Variants in IQGAP3 observed in about 807,000 individuals in gnomAD.
IQGAP3 encodes the protein IQ motif containing GTPase activating protein 3.
A neutral mutation model predicts 208.2 loss-of-function variants in IQGAP3; 165 were observed. The observed-to-expected ratio is 0.79, with a 90% CI of 0.70 to 0.90. The LOEUF (loss-of-function observed/expected upper bound fraction) is 0.90, where lower values mean the gene tolerates loss of function less well. Ranked by LOEUF, IQGAP3 falls within the 40% of genes least tolerant of loss-of-function variation. The pLI, the probability that IQGAP3 is intolerant of heterozygous loss-of-function variation, is 0.00. For missense variants in IQGAP3, 1,811 were observed against 2,043.1 expected (o/e 0.89, Z 2.19); for synonymous variants, 703 against 803.6 (o/e 0.87, Z 2.12).
chr1:156,547,388 GACACAC>G (rs61344699), intron 19 of IQGAP3, among the ~76,000 whole-genome samples: 10,243 of 147,266 alleles, frequency 0.07, 542 homozygotes, highest in African/African-American at 0.15. Flanking sequence ...CAGACACACA[GACACAC>G]ACACACACAC....
At chr1:156,553,996 G>T (rs755167411) in intron 13 of IQGAP3, among the ~76,000 whole-genome samples, 40 of 152,218 alleles carry the variant, frequency 2.6e-4, no homozygotes, top group Non-Finnish European at 4.3e-4. Context: ...TCTGGCACAT[G>T]GGTCAGTACT....
In IQGAP3 at chr1:156,539,010, T is replaced by G. The variant is rs1674850371; in HGVS notation, c.3080A>C (p.Asp1027Ala). ...EIKSKVEQPQ[D>A]VVTGNPTVVR... The stretch of plus-strand genomic sequence containing the variant: ...CACTGTTGGGTTGCCTGTCACCACG[T>G]CCTGGGGCTGCTCCACCTTTGACCT... The change falls in exon 26 of 38, where the codon GAC (aspartate) becomes GCC (alanine). Residue 1027 changes from aspartate (D) to alanine (A), a missense_variant. Transcript: ENST00000361170. 1 of 1,613,918 alleles carries G rather than the reference T, an allele frequency of 6.2e-7. No homozygotes were observed. Among genetic ancestry groups the G allele is most frequent in the African/African-American group, 1.3e-5 (1 of 74,936 alleles).
chr1:156,535,135 G>T, intron 28 of IQGAP3, 28 bp downstream of exon 28: 1 of 1,510,988 alleles, frequency 6.6e-7, no homozygotes, highest in African/African-American at 1.4e-5. Context: ...GAGGGATTGG[G>T]AGGTGGGGGT....
At chr1:156,566,162 A>G (rs1676391075) in intron 3 of IQGAP3, 58 bp from the exon 4 acceptor site, 2 of 1,480,922 alleles carry the variant, frequency 1.4e-6, no homozygotes, top group Non-Finnish European at 1.9e-6. Context: ...CCCTATGGGT[A>G]AAGCCCAGAC....
At chr1:156,553,856 CA>C (rs1459846347) in intron 13 of IQGAP3, among the ~76,000 whole-genome samples, 1 of 152,230 alleles carries the variant, frequency 6.6e-6, no homozygotes, top group Non-Finnish European at 1.5e-5. Flanking sequence ...GCTGGGATTA[CA>C]GGCGTGAGCC....
Position 156,561,030 on chromosome 1 carries a change from G to C in IQGAP3, c.1042-9C>G. ...TCCACCAGGCCCAGCTCCTAAGAGAGGGAAGAGATACAGTAGAATGGAGTC... is the reference window on the plus strand; with the variant it reads ...TCCACCAGGCCCAGCTCCTAAGAGACGGAAGAGATACAGTAGAATGGAGTC... On this transcript the variant is annotated splice_polypyrimidine_tract_variant and intron_variant, in intron 10 of 37. Coordinates refer to ENST00000361170, the MANE Select transcript of IQGAP3 (RefSeq NM_178229.5). The C allele has an allele frequency of 6.2e-7, 1 of 1,606,054 alleles. No individual in the cohort carries two copies. Among genetic ancestry groups the C allele is most frequent in the Non-Finnish European group, 8.5e-7 (1 of 1,173,012 alleles).
Position 156,548,672 on chromosome 1 carries a change from G to T in IQGAP3, c.1902C>A (p.Asn634Lys), listed in dbSNP as rs758232065. The change falls in exon 17 of 38, where the codon AAC becomes AAA. Residue 634 changes from asparagine (N) to lysine (K), a missense_variant. Physicochemically the swap from Asn to Lys is moderately conservative, Grantham distance 94. Coordinates refer to ENST00000361170, the MANE Select transcript of IQGAP3 (RefSeq NM_178229.5). ...KAAQTERVLR[N>K]PAVALRGVVP... ...CTACCCCTCGAAGGGCCACTGCGGGGTTCCTCAACACCCGCTCAGTCTGGG... is the reference window on the plus strand; with the variant it reads ...CTACCCCTCGAAGGGCCACTGCGGGTTTCCTCAACACCCGCTCAGTCTGGG... The T allele has an allele frequency of 6.2e-7, 1 of 1,612,274 alleles. No homozygotes were observed. The highest frequency in any genetic ancestry group is 8.5e-7 in the Non-Finnish European group (1 of 1,178,832).
rs778126921 is a variant in IQGAP3 at position 156,561,993 on chromosome 1, C to A, written c.886G>T (p.Ala296Ser). 1 of 1,604,836 alleles carries A rather than the reference C, an allele frequency of 6.2e-7. No homozygotes were observed. The highest frequency in any genetic ancestry group is 1.1e-5 in the South Asian group (1 of 90,158). Reference protein sequence around the residue: ...GNINHVNVHGALEVVDDALER... With the variant: ...GNINHVNVHGSLEVVDDALER... The stretch of plus-strand genomic sequence containing the variant: ...AGGGCATCATCAACAACTTCTAGAG[C>A]CCCATGGACTGAAAAAAAATGACTC... Residue 296 changes from alanine (A) to serine (S), a missense_variant, in exon 10 of 38, where the codon GCT becomes TCT. Ala to Ser is a moderately conservative substitution (Grantham distance 99, BLOSUM62 1). Coordinates refer to ENST00000361170, the MANE Select transcript of IQGAP3 (RefSeq NM_178229.5).
intron 13 of IQGAP3, among the ~76,000 whole-genome samples, chr1:156,552,465 C>A (rs752172222): frequency 3.9e-5 from 6 of 152,230 alleles, no homozygotes; most frequent in Non-Finnish European, 7.3e-5. Flanking sequence ...TCAAACCCAA[C>A]AGCTCACATC....
At chr1:156,537,537 T>C (rs1674750603) in intron 26 of IQGAP3, among the ~76,000 whole-genome samples, 1 of 152,128 alleles carries the variant, frequency 6.6e-6, no homozygotes, top group African/African-American at 2.4e-5. Context: ...ACAGGGAAGC[T>C]GGAAGAATGT....
rs1034215518 is a variant in IQGAP3, at chr1:156,532,922, T to C, written c.4103+58A>G. On this transcript the variant is annotated intron_variant, in intron 32 of 37. Coordinates refer to ENST00000361170, the MANE Select transcript of IQGAP3 (RefSeq NM_178229.5). ...TGGGCGCCTCAGAATAAGGCCATTT[T>C]ACTGGCCTCAGGGCTGGGGAGCTCA... 9 of 1,603,048 alleles carry C rather than the reference T, an allele frequency of 5.6e-6. No individual in the cohort carries two copies. In the African/African-American group the frequency reaches 6.7e-5, roughly 12 times the overall value.
At chr1:156,560,189 A>G (rs1487927540) in intron 11 of IQGAP3, among the ~76,000 whole-genome samples, 1 of 152,124 alleles carries the variant, frequency 6.6e-6, no homozygotes, top group Non-Finnish European at 1.5e-5. Flanking sequence ...GAGGAAGACA[A>G]TTACTAACTC....
chr1:156,552,655 G>T (rs527412499), intron 13 of IQGAP3, among the ~76,000 whole-genome samples: 1 of 152,032 alleles, frequency 6.6e-6, no homozygotes, highest in Non-Finnish European at 1.5e-5. Context: ...CTCCGCTACC[G>T]CCCAAGGCCA....
intron 27 of IQGAP3, among the ~76,000 whole-genome samples, chr1:156,535,550 C>A (rs764217266): frequency 6.6e-6 from 1 of 152,176 alleles, no homozygotes; most frequent in Non-Finnish European, 1.5e-5. Context: ...TCTCTGGGTC[C>A]CCTGCAGAGC....
At position 156,533,096 on chromosome 1, in the gene IQGAP3, G is replaced by A. The variant is rs139057334; in HGVS notation, c.3987C>T (p.Ile1329=). ...TCAGGTCCGTGTGCCCATCTGCAGCGATGCTCTCACCTGAGGTGTGGTGAG... is the reference window on the plus strand; with the variant it reads ...TCAGGTCCGTGTGCCCATCTGCAGCAATGCTCTCACCTGAGGTGTGGTGAG... The part of the protein sequence containing the change: ...PTIPDLIGES[I]AADGHTDLSK... The change falls in exon 32 of 38, where the codon ATC becomes ATT. Residue 1329 remains isoleucine, a synonymous_variant. Coordinates refer to ENST00000361170, the MANE Select transcript of IQGAP3 (RefSeq NM_178229.5). 3.7e-4 allele frequency: 592 copies of A among 1,613,964 alleles called. No homozygotes were observed. The highest frequency in any genetic ancestry group is 4.7e-4 in the Non-Finnish European group (551 of 1,179,912).
chr1:156,544,346 G>A (rs758462117), intron 20 of IQGAP3, 43 bp downstream of exon 20: 15 of 1,569,258 alleles, frequency 9.6e-6, no homozygotes, highest in Middle Eastern at 1.7e-4. Flanking sequence ...GTTCTCAGAC[G>A]GTCCTTTGAG....
chr1:156,568,249 C>G (rs1490730110), intron 2 of IQGAP3, among the ~76,000 whole-genome samples: 1 of 152,150 alleles, frequency 6.6e-6, no homozygotes, highest in Non-Finnish European at 1.5e-5. Flanking sequence ...GAGTCTCACT[C>G]TTTCACCCAG....
At chr1:156,569,610 C>T in intron 1 of IQGAP3, 147 bp from the exon 2 acceptor site, 1 of 419,578 alleles carries the variant, frequency 2.4e-6, no homozygotes, top group Non-Finnish European at 4.3e-6. Context: ...GCTCCGCCTC[C>T]CGGGTTCATG....
At chr1:156,567,676 T>C (rs1220461438) in intron 2 of IQGAP3, among the ~76,000 whole-genome samples, 1 of 150,656 alleles carries the variant, frequency 6.6e-6, no homozygotes, top group Non-Finnish European at 1.5e-5. Flanking sequence ...TTCCCTGCCT[T>C]AGACACCTGA....
Sources: gnomAD v4.1 joint callset for allele counts (sites outside exome capture counted in the v4.1 genomes callset) on GRCh38, gnomAD v4.1.1 for gene constraint, MANE v1.5 for transcripts, NCBI Gene and HGNC (gene_info 2026-07-23, HGNC 2026-07-21) for gene names.